CPED1: variants seen among roughly 807,000 people sequenced by gnomAD.
CPED1 encodes the protein cadherin-like and PC-esterase domain-containing protein 1.
In CPED1, 114 loss-of-function variants were observed where a neutral mutation model predicts 128.2. The ratio of observed to expected loss-of-function variants is 0.89; its 90% CI spans 0.76 to 1.04. The LOEUF is 1.04. CPED1 is among the 50% of genes least tolerant of loss of function. CPED1 has a pLI of 0.00. For missense variants in CPED1, 1,211 were observed against 1,207.1 expected (o/e 1.00, Z -0.05); for synonymous variants, 462 against 426.7 (o/e 1.08, Z -1.02).
chr7:121,146,212 G>A (rs1796021790), intron 16 of CPED1, among the ~76,000 whole-genome samples: 1 of 152,066 alleles, frequency 6.6e-6, no homozygotes, highest in Admixed American at 6.6e-5. Flanking sequence ...CATGGTGGAA[G>A]CGGGAAATGA....
intron 16 of CPED1, among the ~76,000 whole-genome samples, chr7:121,157,180 A>G (rs928069305): frequency 2.6e-5 from 4 of 152,182 alleles, no homozygotes; most frequent in Non-Finnish European, 5.9e-5. Flanking sequence ...TATACTTTAC[A>G]TAGAGTTTTG....
intron 22 of CPED1, among the ~76,000 whole-genome samples, chr7:121,295,140 A>AACACAC (rs35927183): frequency 0.03 from 4,389 of 145,790 alleles, 87 homozygotes; most frequent in South Asian, 0.035. Context: ...CTGGCCTGAA[A>AACACAC]ACACACACAC....
In CPED1 at chr7:121,271,402, AG is replaced by A; in HGVS notation, c.2844del (p.Lys949SerfsTer9). Reference sequence around the variant, plus strand: ...ATGGGGCGTTACAAAGAGTTTCTACAGGGGAAGTGTGGATGTCATTTCCATG... The same window carrying A: ...ATGGGGCGTTACAAAGAGTTTCTACAGGGAAGTGTGGATGTCATTTCCATG... ...ITMGRYKEFL[Q>X]GKCGCHFHEV... On this transcript the variant is annotated frameshift_variant, in exon 22 of 23. Transcript: ENST00000310396. LOFTEE classifies it high-confidence loss of function. 3 of 1,612,884 alleles carry A rather than the reference AG, an allele frequency of 1.9e-6. No homozygotes were observed. The Admixed American group carries it at 5.0e-5, about 27-fold the overall frequency.
chr7:121,117,077 T>TTATATATATATATATATATAAATATA (rs1554436998), intron 7 of CPED1, among the ~76,000 whole-genome samples: 78 of 128,762 alleles, frequency 6.1e-4, no homozygotes, highest in African/African-American at 2.3e-3. Context: ...TATATACACA[T>TTATATATATATATATATATAAATATA]TATATATATA....
At chr7:121,129,397 T>G (rs1444167277) in intron 11 of CPED1, among the ~76,000 whole-genome samples, 2 of 148,940 alleles carry the variant, frequency 1.3e-5, no homozygotes, top group East Asian at 1.9e-4. Flanking sequence ...ACTAAGTTAA[T>G]TAATGAGTGT....
intron 22 of CPED1, among the ~76,000 whole-genome samples, chr7:121,282,375 G>A (rs1007281721): frequency 1.3e-5 from 2 of 152,074 alleles, no homozygotes; most frequent in Non-Finnish European, 2.9e-5. Flanking sequence ...CCTTTAGTTG[G>A]ATTTTAATAA....
chr7:121,070,935 T>A lies in CPED1; in HGVS notation c.616+6622T>A, dbSNP rs370748714. 5.3e-5 allele frequency among the ~76,000 whole-genome samples: 8 copies of A among 152,212 alleles called. 1 individual carries two copies. Among genetic ancestry groups the A allele is most frequent in the African/African-American group, 1.9e-4 (8 of 41,556 alleles). On this transcript the variant is annotated intron_variant, in intron 5 of 22. Transcript: ENST00000310396. ...AAACAGTACAGCCTAGGTCACCAAC[T>A]CTTTGATGTTCTGACTTGATCCAGG...
chr7:121,266,524 A>G (rs1792127689), intron 19 of CPED1, 77 bp downstream of exon 19: 2 of 1,280,106 alleles, frequency 1.6e-6, no homozygotes, highest in Admixed American at 1.7e-5. Flanking sequence ...CTGCTCAACT[A>G]CTCACTGTAC....
At chr7:120,990,440 T>C (rs891214819) in intron 2 of CPED1, among the ~76,000 whole-genome samples, 2 of 152,164 alleles carry the variant, frequency 1.3e-5, no homozygotes, top group Non-Finnish European at 2.9e-5. Flanking sequence ...ATTTTATTGT[T>C]TATAGGATCA....
chr7:121,262,461 G>C (rs193048575), intron 18 of CPED1, among the ~76,000 whole-genome samples: 1 of 152,044 alleles, frequency 6.6e-6, no homozygotes, highest in Non-Finnish European at 1.5e-5. Context: ...TGTATACTCT[G>C]TGGTAGCTCA....
At chr7:121,165,912 T>C (rs550877351) in intron 16 of CPED1, among the ~76,000 whole-genome samples, 73 of 152,346 alleles carry the variant, frequency 4.8e-4, no homozygotes, top group African/African-American at 1.6e-3. Context: ...AGCTAAGATA[T>C]GATTGGATGT....
intron 16 of CPED1, among the ~76,000 whole-genome samples, chr7:121,181,745 A>G (rs1468185111): frequency 5.9e-5 from 9 of 152,160 alleles, no homozygotes; most frequent in African/African-American, 1.9e-4. Context: ...GAAAGGTTCA[A>G]TTATTAAGTT....
At chr7:121,208,744 G>T (rs1353464346) in intron 16 of CPED1, among the ~76,000 whole-genome samples, 1 of 151,984 alleles carries the variant, frequency 6.6e-6, no homozygotes, top group Non-Finnish European at 1.5e-5. Context: ...GCATTCAAGT[G>T]AGTTTCACAG....
intron 7 of CPED1, among the ~76,000 whole-genome samples, chr7:121,103,524 C>T (rs1749792466): frequency 6.6e-6 from 1 of 152,154 alleles, no homozygotes; most frequent in Admixed American, 6.6e-5. Flanking sequence ...AGAAATACTG[C>T]TTTCTACTGG....
In CPED1 at chr7:121,236,762, A is replaced by G; in HGVS notation, c.2104A>G (p.Ile702Val). Reference protein sequence around the residue: ...HPEETCGLQPISSDYIEAILQ... With the variant: ...HPEETCGLQPVSSDYIEAILQ... ...AGAGGAAACCTGTGGGTTACAGCCT[A>G]TTTCTTCTGACTACATTGAAGCCAT... is the stretch of plus-strand genomic sequence containing the variant. The change falls in exon 17 of 23, where the codon ATT becomes GTT. Residue 702 changes from isoleucine to valine, a missense_variant. Coordinates refer to ENST00000310396, the MANE Select transcript of CPED1 (RefSeq NM_024913.5). 1.2e-6 allele frequency: 2 copies of G among 1,610,236 alleles called. No homozygotes were observed. The highest frequency in any genetic ancestry group is 1.1e-5 in the South Asian group (1 of 90,334).
At chr7:121,229,333 G>A (rs1480911130) in intron 16 of CPED1, among the ~76,000 whole-genome samples, 2 of 151,978 alleles carry the variant, frequency 1.3e-5, no homozygotes, top group East Asian at 1.9e-4. Context: ...ATCTCCTAAA[G>A]TTATGCTCTA....
intron 16 of CPED1, among the ~76,000 whole-genome samples, chr7:121,209,489 C>G (rs1038889144): frequency 6.6e-6 from 1 of 151,968 alleles, no homozygotes; most frequent in African/African-American, 2.4e-5. Context: ...TTACTATTGA[C>G]AGTGAAATTA....
intron 4 of CPED1, chr7:121,051,259 C>A: frequency 2.1e-6 from 1 of 467,612 alleles, no homozygotes; most frequent in African/African-American, 2.0e-5. Context: ...TTGTACAATC[C>A]AGAGGAATAT....
At chr7:121,041,656 T>C (rs1178808751) in intron 3 of CPED1, among the ~76,000 whole-genome samples, 1 of 152,104 alleles carries the variant, frequency 6.6e-6, no homozygotes, top group Non-Finnish European at 1.5e-5. Flanking sequence ...TGGCAGCCTG[T>C]CTATGAGAAA....
Sources: allele counts gnomAD v4.1 joint callset (sites outside exome capture counted in the v4.1 genomes callset), GRCh38; gene constraint gnomAD v4.1.1; transcripts MANE v1.5; gene names NCBI Gene and HGNC (gene_info 2026-07-23, HGNC 2026-07-21).